The following PHTF2 variants were observed in gnomAD, a reference collection of about 807,000 sequenced individuals.
PHTF2 encodes putative homeodomain transcription factor 2.
PHTF2 carries 60 observed loss-of-function variants against 101.2 expected under a neutral mutation model. The ratio of observed to expected loss-of-function variants is 0.59; its 90% CI spans 0.48 to 0.73. PHTF2 has a LOEUF of 0.73. Ranked by LOEUF, PHTF2 falls within the 30% of genes least tolerant of loss-of-function variation. The pLI is 0.00. For synonymous variants in PHTF2, 311 were observed against 307.3 expected (o/e 1.01, Z -0.13); for missense variants, 747 against 908.7 (o/e 0.82, Z 2.29).
Position 77,857,355 on chromosome 7 carries a change from G to A in PHTF2, c.147+2521G>A, listed in dbSNP as rs998253100. On this transcript the variant is annotated intron_variant, in intron 3 of 19. Transcript: ENST00000416283. ...AACCACAGGCCATCATGGTACTCTGGTCTTTGGATTCTCTCTACCCTGAGA... is the reference window on the plus strand; with the variant it reads ...AACCACAGGCCATCATGGTACTCTGATCTTTGGATTCTCTCTACCCTGAGA... Among the ~76,000 whole-genome samples the A allele has an allele frequency of 2.0e-5, 3 of 152,270 alleles. No homozygotes were observed. In the East Asian group the frequency reaches 5.8e-4, roughly 29 times the overall value.
intron 10 of PHTF2, among the ~76,000 whole-genome samples, chr7:77,921,880 C>T (rs1410598181): frequency 6.6e-6 from 1 of 152,064 alleles, no homozygotes; most frequent in Non-Finnish European, 1.5e-5. Context: ...TATTTACTTC[C>T]TCTTATCCTG....
intron 3 of PHTF2, among the ~76,000 whole-genome samples, chr7:77,871,220 T>C (rs965581722): frequency 2.0e-5 from 3 of 152,180 alleles, no homozygotes; most frequent in Non-Finnish European, 4.4e-5. Context: ...TAGTTTCCCA[T>C]TGACCTTAAT....
intron 3 of PHTF2, among the ~76,000 whole-genome samples, chr7:77,875,586 C>T (rs1798867503): frequency 6.6e-6 from 1 of 151,722 alleles, no homozygotes. Flanking sequence ...GACATGGAGT[C>T]TCGCTGTGTT....
chr7:77,940,087 A>T (rs1805512251), exon 14 of PHTF2: 1 of 1,613,678 alleles, frequency 6.2e-7, no homozygotes, highest in South Asian at 1.1e-5. Context: ...AGTCTCTCTC[A>T]TACTGGGTTT....
chr7:77,820,470 G>A (rs1584391146), intron 1 of PHTF2, among the ~76,000 whole-genome samples: 1 of 152,090 alleles, frequency 6.6e-6, no homozygotes, highest in Non-Finnish European at 1.5e-5. Flanking sequence ...TCCTGCTCCA[G>A]CCTTCTGAGT....
At chr7:77,948,340 T>G (rs955860799) in intron 16 of PHTF2, among the ~76,000 whole-genome samples, 2 of 152,092 alleles carry the variant, frequency 1.3e-5, no homozygotes, top group Non-Finnish European at 1.5e-5. Flanking sequence ...GTGGGAAGGC[T>G]TTACATAATG....
In PHTF2 at chr7:77,897,165, G is replaced by A. The variant is rs192639253; in HGVS notation, c.216+3172G>A. Among the ~76,000 whole-genome samples the A allele has an allele frequency of 1.8e-3, 277 of 152,046 alleles. 2 individuals are homozygous for A. The highest frequency in any genetic ancestry group is 6.0e-3 in the African/African-American group (250 of 41,520). On this transcript the variant is annotated intron_variant, in intron 5 of 19. Coordinates refer to ENST00000416283, the Ensembl canonical transcript of PHTF2. The stretch of plus-strand genomic sequence containing the variant: ...AAGTCATTACAGAGAAAAAGGGGGT[G>A]GGGGAACTAAACAAGATTTCTAGAA...
chr7:77,849,049 G>T (rs1475973556), intron 2 of PHTF2, among the ~76,000 whole-genome samples: 1 of 151,972 alleles, frequency 6.6e-6, no homozygotes, highest in Non-Finnish European at 1.5e-5. Context: ...ATATGGATTT[G>T]TTTCTGGGCT....
intron 9 of PHTF2, among the ~76,000 whole-genome samples, chr7:77,918,171 C>T (rs542199626): frequency 6.6e-6 from 1 of 152,290 alleles, no homozygotes; most frequent in Admixed American, 6.5e-5. Context: ...GCAGTTATTA[C>T]AGACTCAAAG....
chr7:77,840,398 G>T, intron 2 of PHTF2, 98 bp downstream of exon 2: 1 of 707,528 alleles, frequency 1.4e-6, no homozygotes, highest in Non-Finnish European at 2.4e-6. Context: ...GAGTGGGAAA[G>T]GAAGATTATT....
intron 9 of PHTF2, among the ~76,000 whole-genome samples, chr7:77,917,661 C>T (rs2150901257): frequency 6.6e-6 from 1 of 152,206 alleles, no homozygotes; most frequent in Non-Finnish European, 1.5e-5. Flanking sequence ...AACTTCTAAC[C>T]CTGCCAGGCT....
intron 3 of PHTF2, among the ~76,000 whole-genome samples, chr7:77,886,289 T>G (rs1456765719): frequency 6.6e-6 from 1 of 152,196 alleles, no homozygotes; most frequent in African/African-American, 2.4e-5. Context: ...AATTCCTAAG[T>G]GATACGTTTC....
At chr7:77,874,187 A>G (rs987220482) in intron 3 of PHTF2, among the ~76,000 whole-genome samples, 1 of 152,170 alleles carries the variant, frequency 6.6e-6, no homozygotes, top group Admixed American at 6.5e-5. Context: ...AAAACTCTCC[A>G]AACAGTTCAT....
intron 1 of PHTF2, among the ~76,000 whole-genome samples, chr7:77,807,660 T>C (rs1793102157): frequency 6.6e-6 from 1 of 152,208 alleles, no homozygotes; most frequent in African/African-American, 2.4e-5. Flanking sequence ...GAGAAAAATA[T>C]ATGCCTTTTG....
chr7:77,855,350 A>G (rs943852383), intron 3 of PHTF2, among the ~76,000 whole-genome samples: 1 of 152,174 alleles, frequency 6.6e-6, no homozygotes, highest in African/African-American at 2.4e-5. Context: ...TTCCAAGACA[A>G]AGTCTTCTTA....
chr7:77,938,699 C>T (rs1805376465), intron 13 of PHTF2, among the ~76,000 whole-genome samples: 1 of 152,222 alleles, frequency 6.6e-6, no homozygotes, highest in African/African-American at 2.4e-5. Flanking sequence ...ATGGCATTAA[C>T]CTGGGAGGCG....
chr7:77,891,352 A>G (rs2150790729), intron 3 of PHTF2, among the ~76,000 whole-genome samples: 1 of 152,326 alleles, frequency 6.6e-6, no homozygotes, highest in East Asian at 1.9e-4. Flanking sequence ...TTTAAGGAAG[A>G]TGACTGATTG....
intron 17 of PHTF2, 50 bp downstream of exon 16, chr7:77,949,883 T>A (rs1203097727): frequency 2.1e-6 from 2 of 970,226 alleles, no homozygotes; most frequent in Non-Finnish European, 3.0e-6. Flanking sequence ...TAAGTTAAAA[T>A]GTTTTCATTT....
intron 1 of PHTF2, among the ~76,000 whole-genome samples, chr7:77,838,589 G>A (rs1463120565): frequency 1.3e-5 from 2 of 152,090 alleles, no homozygotes; most frequent in East Asian, 1.9e-4. Context: ...ACTGTGGCAG[G>A]CATCTTATAT....
Sources: gnomAD v4.1 joint callset for allele counts (sites outside exome capture counted in the v4.1 genomes callset) on GRCh38, gnomAD v4.1.1 for gene constraint, MANE v1.5 for transcripts, NCBI Gene and HGNC (gene_info 2026-07-23, HGNC 2026-07-21) for gene names.